EYA3: variants seen among roughly 807,000 people sequenced by gnomAD.
The protein encoded by EYA3 is protein phosphatase EYA3.
Under a neutral mutation model 80.0 loss-of-function variants are expected in EYA3, and 39 were observed. The observed-to-expected ratio is 0.49, with a 90% confidence interval of 0.38 to 0.64. EYA3 has a LOEUF of 0.64. EYA3 is among the 30% of genes least tolerant of loss of function. The probability of loss-of-function intolerance (pLI) is 0.00; values close to 1 mark genes in which losing one functional copy is unlikely to be tolerated. For missense variants in EYA3, 523 were observed against 676.1 expected, an observed-to-expected ratio of 0.77 and a Z score of 2.51; for synonymous variants, 206 against 232.8, an observed-to-expected ratio of 0.88 and a Z score of 1.05.
chr1:27,975,201 A>G (rs1638873840), intron 17 of EYA3, among the ~76,000 whole-genome samples: 2 of 151,888 alleles, frequency 1.3e-5, no homozygotes. Context: ...TTTTATTTTG[A>G]GACAGGCTCT....
At chr1:28,070,753 G>T (rs879403569) in intron 1 of EYA3, among the ~76,000 whole-genome samples, 1 of 152,002 alleles carries the variant, frequency 6.6e-6, no homozygotes, top group African/African-American at 2.4e-5. Context: ...TGTCACTCTG[G>T]GATAAACTTT....
chr1:27,971,052 A>T lies in EYA3; in HGVS notation c.*3414T>A, dbSNP rs1638706101. Reference sequence around the variant, plus strand: ...TGGCATCAGTCTCTTGGGACAACTCACTAGCTTTACAGAAGACAGGAACGC... The same window carrying T: ...TGGCATCAGTCTCTTGGGACAACTCTCTAGCTTTACAGAAGACAGGAACGC... On this transcript the variant is annotated 3_prime_UTR_variant, in exon 18 of 18. Coordinates refer to ENST00000373871, the MANE Select transcript of EYA3 (RefSeq NM_001990.4). The T allele has an allele frequency of 6.6e-6, 1 of 152,218 alleles. No homozygotes were observed. Among genetic ancestry groups the T allele is most frequent in the Non-Finnish European group, 1.5e-5 (1 of 68,040 alleles). The allele number at this position is 152,218 out of a possible 1,614,324, so 9.4% of individuals were successfully genotyped here. A position where few individuals can be genotyped will look rare whatever the true frequency, so the allele number is the denominator to read the frequency against.
In EYA3 at chr1:28,004,316, A is replaced by G. The variant is rs765253372; in HGVS notation, c.993+20T>C. On this transcript the variant is annotated intron_variant, in intron 11 of 17. Transcript: ENST00000373871. ...TATAGTCAGAAGAGGGACAGTTACAACAAAGAAGACTCAAATTACCTTTCC... is the reference window on the plus strand; with the variant it reads ...TATAGTCAGAAGAGGGACAGTTACAGCAAAGAAGACTCAAATTACCTTTCC... The G allele has an allele frequency of 6.4e-7, 1 of 1,563,770 alleles. No individual in the cohort carries two copies. Among genetic ancestry groups the G allele is most frequent in the East Asian group, 2.2e-5 (1 of 44,518 alleles).
At chr1:28,053,508 C>G (rs757426661) in intron 2 of EYA3, among the ~76,000 whole-genome samples, 13 of 152,140 alleles carry the variant, frequency 8.5e-5, no homozygotes, top group Non-Finnish European at 1.3e-4. Flanking sequence ...TATCCAGGCT[C>G]AAGGCTAAGT....
chr1:27,997,695 C>T (rs1241575091), intron 12 of EYA3, among the ~76,000 whole-genome samples: 2 of 152,200 alleles, frequency 1.3e-5, no homozygotes, highest in African/African-American at 4.8e-5. Flanking sequence ...CTACACCAGA[C>T]TGTAAGTCCT....
At chr1:28,074,377 G>C (rs1159243755) in intron 1 of EYA3, among the ~76,000 whole-genome samples, 1 of 152,106 alleles carries the variant, frequency 6.6e-6, no homozygotes, top group Admixed American at 6.6e-5. Flanking sequence ...TTCCATAACT[G>C]TGAGAAAATA....
chr1:28,023,557 G>T (rs1642587247), intron 7 of EYA3, among the ~76,000 whole-genome samples: 1 of 152,116 alleles, frequency 6.6e-6, no homozygotes, highest in Non-Finnish European at 1.5e-5. Flanking sequence ...GTAATAATGA[G>T]AAAAACATCA....
At chr1:28,085,742 C>T (rs768436422) in intron 1 of EYA3, among the ~76,000 whole-genome samples, 7 of 151,844 alleles carry the variant, frequency 4.6e-5, no homozygotes, top group Non-Finnish European at 8.8e-5. Flanking sequence ...AAAACAAACA[C>T]ACATTAAGCT....
chr1:28,060,436 G>C (rs1644579922), intron 1 of EYA3, among the ~76,000 whole-genome samples: 3 of 152,092 alleles, frequency 2.0e-5, no homozygotes, highest in Admixed American at 2.0e-4. Flanking sequence ...TATAAATGGT[G>C]GGGATATAAA....
intron 6 of EYA3, among the ~76,000 whole-genome samples, chr1:28,033,284 A>C (rs1371672122): frequency 6.6e-6 from 1 of 152,286 alleles, no homozygotes; most frequent in African/African-American, 2.4e-5. Flanking sequence ...AAACACAAGA[A>C]AACATCTTTT....
chr1:27,989,578 A>G, intron 15 of EYA3, 119 bp downstream of exon 15: 1 of 522,982 alleles, frequency 1.9e-6, no homozygotes, highest in Non-Finnish European at 3.4e-6. Flanking sequence ...ACTTCCCTAC[A>G]TCATTTAAAC....
At chr1:28,010,095 A>G (rs1641584790) in intron 10 of EYA3, among the ~76,000 whole-genome samples, 1 of 152,214 alleles carries the variant, frequency 6.6e-6, no homozygotes, top group South Asian at 2.1e-4. Context: ...CAGTTCACCT[A>G]TGTCTTAAGA....
At chr1:28,006,799 A>G (rs1012295363) in intron 10 of EYA3, among the ~76,000 whole-genome samples, 2 of 152,148 alleles carry the variant, frequency 1.3e-5, no homozygotes, top group Non-Finnish European at 2.9e-5. Context: ...CTCCTGAGAC[A>G]AGGATGTCTG....
chr1:28,073,942 T>A (rs565549923), intron 1 of EYA3, among the ~76,000 whole-genome samples: 1 of 152,298 alleles, frequency 6.6e-6, no homozygotes, highest in East Asian at 1.9e-4. Flanking sequence ...AGACCACAGT[T>A]TTTTTATGAG....
At chr1:27,994,814 T>G (rs1291705958) in intron 13 of EYA3, among the ~76,000 whole-genome samples, 2 of 150,032 alleles carry the variant, frequency 1.3e-5, no homozygotes, top group Non-Finnish European at 3.0e-5. Flanking sequence ...GAAAAAAATT[T>G]TTTAATTAGT....
At chr1:28,084,554 AAAATATATATATATATATATATATAT>A (rs1557659212) in intron 1 of EYA3, among the ~76,000 whole-genome samples, 1 of 58,118 alleles carries the variant, frequency 1.7e-5, no homozygotes, top group Non-Finnish European at 3.1e-5. Flanking sequence ...TGACTATTCC[AAAATATATATATATATATATATATAT>A]ATATATATAT....
chr1:28,050,193 A>T (rs199857465), intron 2 of EYA3, among the ~76,000 whole-genome samples: 2,150 of 86,910 alleles, frequency 0.025, 50 homozygotes, highest in Non-Finnish European at 0.028. Flanking sequence ...TATTATTATT[A>T]TTATTATTAT....
At chr1:28,041,828 G>GA (rs1018270556) in intron 4 of EYA3, among the ~76,000 whole-genome samples, 1 of 151,968 alleles carries the variant, frequency 6.6e-6, no homozygotes, top group African/African-American at 2.4e-5. Context: ...GTATTTGAAG[G>GA]AAAAAAGGAA....
At chr1:28,021,160 ACCT>A (rs1477157641) in intron 7 of EYA3, among the ~76,000 whole-genome samples, 1 of 152,070 alleles carries the variant, frequency 6.6e-6, no homozygotes, top group Non-Finnish European at 1.5e-5. Flanking sequence ...ATGTCACTTC[ACCT>A]CCTTTGCTCA....
Sources: gnomAD v4.1 joint callset for allele counts (sites outside exome capture counted in the v4.1 genomes callset) on GRCh38, gnomAD v4.1.1 for gene constraint, MANE v1.5 for transcripts, NCBI Gene and HGNC (gene_info 2026-07-23, HGNC 2026-07-21) for gene names.